The following SPAG17 variants were observed in gnomAD, a reference collection of about 807,000 sequenced individuals.
SPAG17 encodes the protein sperm associated antigen 17, also known as sperm-associated antigen 17.
A neutral mutation model predicts 273.6 loss-of-function variants in SPAG17; 169 were observed. The ratio of observed to expected loss-of-function variants is 0.62; its 90% CI spans 0.55 to 0.70. The LOEUF (loss-of-function observed/expected upper bound fraction) is 0.70, where lower values mean the gene tolerates loss of function less well. Among genes scored for constraint, SPAG17 ranks in the 30% least tolerant of loss-of-function variants. The pLI is 0.00. For missense variants in SPAG17, 2,557 were observed against 2,627.8 expected (o/e 0.97, Z 0.59); for synonymous variants, 825 against 873.2 (o/e 0.94, Z 0.97).
At chr1:118,162,577 T>C (rs1659982813) in intron 1 of SPAG17, among the ~76,000 whole-genome samples, 1 of 152,202 alleles carries the variant, frequency 6.6e-6, no homozygotes, top group African/African-American at 2.4e-5. Flanking sequence ...TTCGCAGCTA[T>C]GAAGCACTGT....
At chr1:118,035,776 G>C (rs1478884363) in intron 24 of SPAG17, among the ~76,000 whole-genome samples, 1 of 152,166 alleles carries the variant, frequency 6.6e-6, no homozygotes, top group Non-Finnish European at 1.5e-5. Context: ...AAAATATGTT[G>C]TGGTTAGATC....
chr1:118,078,366 C>T (rs1158510652), intron 15 of SPAG17, among the ~76,000 whole-genome samples: 2 of 151,956 alleles, frequency 1.3e-5, no homozygotes, highest in Non-Finnish European at 2.9e-5. Context: ...GTGCATGAAA[C>T]ACAAATGTTT....
chr1:118,179,480 T>C (rs1660844394), intron 1 of SPAG17, among the ~76,000 whole-genome samples: 1 of 152,044 alleles, frequency 6.6e-6, no homozygotes. Context: ...CCTGAAACTA[T>C]GAAATTATTA....
chr1:117,975,996 A>G (rs1337018449), intron 43 of SPAG17, among the ~76,000 whole-genome samples: 1 of 152,180 alleles, frequency 6.6e-6, no homozygotes, highest in African/African-American at 2.4e-5. Context: ...CAGCCCTGTG[A>G]TGTATATAGC....
At chr1:118,093,049 T>G in intron 8 of SPAG17, 107 bp downstream of exon 8, 1 of 1,227,142 alleles carries the variant, frequency 8.1e-7, no homozygotes, top group Non-Finnish European at 1.1e-6. Context: ...CAGTATGACC[T>G]TAATGTAAGT....
At chr1:117,988,861 A>T (rs1360916204) in intron 38 of SPAG17, among the ~76,000 whole-genome samples, 3 of 152,200 alleles carry the variant, frequency 2.0e-5, no homozygotes, top group South Asian at 4.1e-4. Context: ...TTTTTGGTGG[A>T]GTCTTCTCAT....
intron 20 of SPAG17, among the ~76,000 whole-genome samples, chr1:118,050,320 C>G (rs879495776): frequency 5.9e-5 from 9 of 152,168 alleles, no homozygotes; most frequent in Non-Finnish European, 1.3e-4. Flanking sequence ...TCCTTTCATT[C>G]TTGCTCTAAA....
At chr1:118,070,759 A>G (rs1314244869) in intron 17 of SPAG17, among the ~76,000 whole-genome samples, 1 of 152,234 alleles carries the variant, frequency 6.6e-6, no homozygotes, top group Non-Finnish European at 1.5e-5. Flanking sequence ...TAAACAATGT[A>G]AAAGTAATCA....
At chr1:117,981,483 TGAA>T (rs1438516857) in intron 42 of SPAG17, 82 bp from the exon 43 acceptor site, 30 of 1,420,280 alleles carry the variant, frequency 2.1e-5, no homozygotes, top group African/African-American at 7.5e-5. Flanking sequence ...GAACAAACAT[TGAA>T]GAAGGTGTTT....
intron 3 of SPAG17, among the ~76,000 whole-genome samples, chr1:118,126,504 C>T (rs555046622): frequency 3.4e-4 from 52 of 151,926 alleles, no homozygotes; most frequent in African/African-American, 8.7e-4. Context: ...TGAGCCACCG[C>T]GCCCGGCCTC....
At chr1:118,125,188 A>T (rs1196290522) in intron 3 of SPAG17, among the ~76,000 whole-genome samples, 1 of 151,698 alleles carries the variant, frequency 6.6e-6, no homozygotes, top group Admixed American at 6.6e-5. Context: ...GCCTGAGCAC[A>T]TATCAATTTT....
At chr1:118,066,388 T>TA (rs892941030) in intron 18 of SPAG17, among the ~76,000 whole-genome samples, 47 of 152,266 alleles carry the variant, frequency 3.1e-4, no homozygotes, top group African/African-American at 1.0e-3. Flanking sequence ...AAAATAGAGT[T>TA]AAAAAAACCC....
At position 118,056,499 on chromosome 1, in the gene SPAG17, T is replaced by G. The variant is rs1168366680; in HGVS notation, c.2541-585A>C. ...TTTGTTGCTTACCAGCAGTCATATT[T>G]GTTCCCAAATTCATTCACATCACTT... On this transcript the variant is annotated intron_variant, in intron 18 of 48. Transcript: ENST00000336338. 5.9e-5 allele frequency among the ~76,000 whole-genome samples: 9 copies of G among 152,330 alleles called. No homozygotes were observed. In the East Asian group the frequency reaches 1.7e-3, roughly 29 times the overall value.
chr1:118,127,411 A>T (rs1657797367), intron 3 of SPAG17, among the ~76,000 whole-genome samples: 1 of 152,158 alleles, frequency 6.6e-6, no homozygotes, highest in Non-Finnish European at 1.5e-5. Context: ...TGAAGGCAGG[A>T]GCAAGATGGG....
At chr1:117,998,667 T>C (rs1441892587) in intron 32 of SPAG17, among the ~76,000 whole-genome samples, 2 of 152,166 alleles carry the variant, frequency 1.3e-5, no homozygotes, top group East Asian at 3.9e-4. Flanking sequence ...TTTAACAATA[T>C]TGATTGTTCC....
chr1:118,077,137 C>T (rs1654167361), intron 15 of SPAG17, among the ~76,000 whole-genome samples: 1 of 152,036 alleles, frequency 6.6e-6, no homozygotes, highest in Non-Finnish European at 1.5e-5. Context: ...ATGATTTTTG[C>T]CTTGTTTAAA....
chr1:118,044,439 C>T (rs978155485), intron 20 of SPAG17, among the ~76,000 whole-genome samples: 4 of 151,628 alleles, frequency 2.6e-5, no homozygotes, highest in East Asian at 1.9e-4. Context: ...GAGCCGAGAT[C>T]GCACCACTGC....
At chr1:118,055,302 G>A (rs1651543598) in intron 19 of SPAG17, among the ~76,000 whole-genome samples, 1 of 151,940 alleles carries the variant, frequency 6.6e-6, no homozygotes, top group East Asian at 1.9e-4. Context: ...GGACCCTTCT[G>A]TTTGCTGTTC....
At chr1:118,115,981 A>C in intron 3 of SPAG17, among the ~76,000 whole-genome samples, 1 of 152,214 alleles carries the variant, frequency 6.6e-6, no homozygotes, top group East Asian at 1.9e-4. Flanking sequence ...CCCCCTTGCA[A>C]CTTAATGTTG....
Sources: gnomAD v4.1 joint callset for allele counts (sites outside exome capture counted in the v4.1 genomes callset) on GRCh38, gnomAD v4.1.1 for gene constraint, MANE v1.5 for transcripts, NCBI Gene and HGNC (gene_info 2026-07-23, HGNC 2026-07-21) for gene names.